NINL: variants seen among roughly 807,000 people sequenced by gnomAD.
NINL encodes ninein-like protein.
In NINL, 153 loss-of-function variants were observed where a neutral mutation model predicts 160.3. That is an observed-to-expected ratio of 0.95 (90% CI 0.84 to 1.09). The LOEUF (loss-of-function observed/expected upper bound fraction) is 1.09. Among genes scored for constraint, NINL ranks in the 50% least tolerant of loss-of-function variants. The probability of loss-of-function intolerance (pLI) is 0.00; values close to 1 mark genes in which losing one functional copy is unlikely to be tolerated. For synonymous variants in NINL, 800 were observed against 734.8 expected (o/e 1.09, Z -1.43); for missense variants, 1,829 against 1,764.0 (o/e 1.04, Z -0.66).
intron 5 of NINL, among the ~76,000 whole-genome samples, chr20:25,506,199 T>A (rs753149300): frequency 7.2e-5 from 11 of 152,142 alleles, no homozygotes; most frequent in Non-Finnish European, 1.3e-4. Context: ...AGGCGGACAT[T>A]GCAGTGAGCC....
chr20:25,535,488 G>C (rs575052601), intron 1 of NINL, among the ~76,000 whole-genome samples: 2 of 152,106 alleles, frequency 1.3e-5, no homozygotes, highest in Non-Finnish European at 2.9e-5. Context: ...ATGTATACAT[G>C]AATCAAAACA....
At chr20:25,492,053 T>G (rs1369100983) in intron 10 of NINL, among the ~76,000 whole-genome samples, 2 of 152,088 alleles carry the variant, frequency 1.3e-5, no homozygotes, top group African/African-American at 2.4e-5. Context: ...CAACGCTCAG[T>G]CTCATCTCTT....
chr20:25,455,647 C>T (rs2235607), intron 23 of NINL, 26 bp downstream of exon 23: 85 of 1,544,828 alleles, frequency 5.5e-5, no homozygotes, highest in African/African-American at 1.6e-4. Flanking sequence ...GACGTGAACA[C>T]GAAAGCAGCA....
At chr20:25,554,621 T>A (rs2064843654) in intron 1 of NINL, among the ~76,000 whole-genome samples, 1 of 98,184 alleles carries the variant, frequency 1.0e-5, no homozygotes. Flanking sequence ...CCCTGTTCTT[T>A]ACCAAAAAAA....
intron 1 of NINL, among the ~76,000 whole-genome samples, chr20:25,538,694 C>T (rs963094791): frequency 6.6e-6 from 1 of 151,916 alleles, no homozygotes; most frequent in African/African-American, 2.4e-5. Context: ...AGAAAGACAA[C>T]CGCCCTAACT....
chr20:25,538,707 C>G (rs973442106), intron 1 of NINL, among the ~76,000 whole-genome samples: 3 of 151,900 alleles, frequency 2.0e-5, no homozygotes, highest in Non-Finnish European at 2.9e-5. Flanking sequence ...CCCTAACTCT[C>G]CCCAGAGCTG....
chr20:25,490,976 A>C (rs1165233296), intron 11 of NINL, among the ~76,000 whole-genome samples: 1 of 151,296 alleles, frequency 6.6e-6, no homozygotes, highest in Non-Finnish European at 1.5e-5. Context: ...CAGGCCACAA[A>C]GCCAGCCTCG....
At chr20:25,464,715 A>G (rs2062870885) in intron 19 of NINL, among the ~76,000 whole-genome samples, 1 of 152,154 alleles carries the variant, frequency 6.6e-6, no homozygotes, top group Non-Finnish European at 1.5e-5. Context: ...CATTTTGTCA[A>G]CGAGCCTGGC....
chr20:25,538,681 G>T (rs1048330294), intron 1 of NINL, among the ~76,000 whole-genome samples: 2 of 152,098 alleles, frequency 1.3e-5, no homozygotes, highest in Non-Finnish European at 2.9e-5. Flanking sequence ...CACAGAACTG[G>T]GGAGAAAGAC....
At chr20:25,558,399 G>A (rs1334230539) in intron 1 of NINL, among the ~76,000 whole-genome samples, 1 of 152,084 alleles carries the variant, frequency 6.6e-6, no homozygotes, top group Non-Finnish European at 1.5e-5. Flanking sequence ...GTAGAGATGG[G>A]GTTTCGCCAT....
In NINL at chr20:25,461,638, G is replaced by T; in HGVS notation, c.3583-3C>A. 1 of 1,595,760 alleles carries T rather than the reference G, an allele frequency of 6.3e-7. No homozygotes were observed. Among genetic ancestry groups the T allele is most frequent in the Non-Finnish European group, 8.6e-7 (1 of 1,164,238 alleles). ...CTAAGTTTTTGGATTTGGTCACTCT[G>T]TTTTTAAAAAATCAATTGCACAAGT... On this transcript the variant is annotated splice_region_variant and splice_polypyrimidine_tract_variant and intron_variant, in intron 20 of 23. Transcript: ENST00000278886.
intron 15 of NINL, 108 bp from the exon 16 acceptor site, chr20:25,479,314 C>A: frequency 1.4e-6 from 2 of 1,414,366 alleles, no homozygotes; most frequent in Non-Finnish European, 1.9e-6. Flanking sequence ...CAAAGACCGG[C>A]ATCCTGGCCT....
chr20:25,482,472 G>A (rs527956997), intron 13 of NINL, among the ~76,000 whole-genome samples: 26 of 152,196 alleles, frequency 1.7e-4, no homozygotes, highest in African/African-American at 6.3e-4. Context: ...CCAAGTAGCT[G>A]GGATTACAGG....
intron 17 of NINL, among the ~76,000 whole-genome samples, chr20:25,472,330 T>G (rs1217165800): frequency 2.2e-4 from 7 of 31,666 alleles, no homozygotes; most frequent in African/African-American, 1.2e-3. Context: ...AGAGGATATA[T>G]ATATATATAT....
At chr20:25,534,118 C>T (rs1038461509) in intron 1 of NINL, among the ~76,000 whole-genome samples, 3 of 152,190 alleles carry the variant, frequency 2.0e-5, no homozygotes, top group Non-Finnish European at 4.4e-5. Flanking sequence ...AACTTCTCAC[C>T]AGACACCTGC....
At chr20:25,509,810 ATTTG>A (rs2064034936) in intron 5 of NINL, 1 of 419,192 alleles carries the variant, frequency 2.4e-6, no homozygotes, top group Admixed American at 3.0e-5. Context: ...TAATTAATAT[ATTTG>A]TTTGCTTTTT....
rs542036257 is a variant in NINL, at chr20:25,470,001, C to T, written c.3343G>A (p.Asp1115Asn). 1.3e-4 allele frequency: 205 copies of T among 1,613,864 alleles called. No homozygotes were observed. The highest frequency in any genetic ancestry group is 1.7e-4 in the Non-Finnish European group (197 of 1,179,750). ...GGGCGTGGCCCTTACCTCTGTGCAT[C>T]GTGAGTACTTTCTGCAGCTTCAAGC... ...QELEAAESTH[D>N]AQRKEIEVLK... The change falls in exon 18 of 24, where the codon GAT becomes AAT. Residue 1115 changes from aspartate (D) to asparagine (N), a missense_variant. Asp to Asn is a conservative substitution (Grantham distance 23, BLOSUM62 1). Coordinates refer to ENST00000278886, the MANE Select transcript of NINL (RefSeq NM_025176.6).
At chr20:25,463,287 G>A (rs140711442) in intron 19 of NINL, among the ~76,000 whole-genome samples, 32 of 152,102 alleles carry the variant, frequency 2.1e-4, no homozygotes, top group African/African-American at 7.0e-4. Flanking sequence ...TTTCCTCCAC[G>A]ATTATTTTAA....
chr20:25,542,106 G>A (rs6132841), intron 1 of NINL, among the ~76,000 whole-genome samples: 3,593 of 152,308 alleles, frequency 0.024, 165 homozygotes, highest in East Asian at 0.23. Flanking sequence ...GTGCCAGAGT[G>A]GGCAGTGGGG....
Sources: gnomAD v4.1 joint callset for allele counts (sites outside exome capture counted in the v4.1 genomes callset) on GRCh38, gnomAD v4.1.1 for gene constraint, MANE v1.5 for transcripts, NCBI Gene and HGNC (gene_info 2026-07-23, HGNC 2026-07-21) for gene names.